The following LPIN1 variants were observed in gnomAD, a reference collection of about 807,000 sequenced individuals.
LPIN1 encodes the protein phosphatidate phosphatase LPIN1.
Under a neutral mutation model 107.5 loss-of-function variants are expected in LPIN1, and 71 were observed. The ratio of observed to expected loss-of-function variants is 0.66; its 90% CI spans 0.55 to 0.80. The LOEUF is 0.80. LPIN1 is among the 30% of genes least tolerant of loss of function. The pLI is 0.00. For synonymous variants in LPIN1, 445 were observed against 452.6 expected (o/e 0.98, Z 0.21); for missense variants, 1,043 against 1,160.6 (o/e 0.90, Z 1.47).
chr2:11,681,089 C>G (rs962068108), intron 1 of LPIN1, among the ~76,000 whole-genome samples: 1 of 152,226 alleles, frequency 6.6e-6, no homozygotes, highest in African/African-American at 2.4e-5. Context: ...TGCCAAGACA[C>G]TGAATCCCTC....
At chr2:11,758,119 C>T (rs530987821) in intron 1 of LPIN1, among the ~76,000 whole-genome samples, 3 of 152,190 alleles carry the variant, frequency 2.0e-5, no homozygotes, top group Non-Finnish European at 4.4e-5. Flanking sequence ...TTTTAAGGCT[C>T]AGTAATAGTC....
intron 1 of LPIN1, among the ~76,000 whole-genome samples, chr2:11,692,443 G>A (rs1050271290): frequency 1.3e-5 from 2 of 152,214 alleles, no homozygotes; most frequent in South Asian, 4.1e-4. Context: ...GAAACTCCTG[G>A]GAGCTTTGCA....
chr2:11,719,725 GC>G (rs576206766), upstream of LPIN1, among the ~76,000 whole-genome samples: 40 of 151,414 alleles, frequency 2.6e-4, no homozygotes, highest in African/African-American at 9.2e-4. Context: ...TTACGCAGGT[GC>G]CCCTTAACAG....
intron 12 of LPIN1, among the ~76,000 whole-genome samples, chr2:11,789,185 C>T (rs1180062344): frequency 1.3e-5 from 2 of 152,204 alleles, no homozygotes; most frequent in Admixed American, 6.5e-5. Context: ...AGGATGTTGC[C>T]GTCGGTCAGC....
At chr2:11,757,576 A>G (rs1668867935) in intron 1 of LPIN1, among the ~76,000 whole-genome samples, 1 of 152,208 alleles carries the variant, frequency 6.6e-6, no homozygotes, top group Non-Finnish European at 1.5e-5. Context: ...GCAGAGAAAG[A>G]AGAGCCTGGC....
chr2:11,739,197 G>A (rs934890329), intron 1 of LPIN1, among the ~76,000 whole-genome samples: 6 of 152,168 alleles, frequency 3.9e-5, no homozygotes, highest in African/African-American at 1.4e-4. Context: ...ATCAGCCTCC[G>A]GACAGGTCCA....
chr2:11,772,909 A>G (rs2148637108), intron 4 of LPIN1, among the ~76,000 whole-genome samples: 1 of 137,272 alleles, frequency 7.3e-6, no homozygotes. Flanking sequence ...CTGGCAACGA[A>G]TATTGCTTTT....
chr2:11,796,767 A>G (rs1676797737), intron 14 of LPIN1, among the ~76,000 whole-genome samples: 1 of 152,180 alleles, frequency 6.6e-6, no homozygotes, highest in South Asian at 2.1e-4. Context: ...TTGAGGATGG[A>G]GCCCAGGCCA....
At chr2:11,727,878 G>A (rs906834942) in intron 1 of LPIN1, among the ~76,000 whole-genome samples, 8 of 152,124 alleles carry the variant, frequency 5.3e-5, no homozygotes, top group African/African-American at 1.4e-4. Context: ...TCAACCAACC[G>A]CAGGTCGACA....
intron 1 of LPIN1, among the ~76,000 whole-genome samples, chr2:11,764,940 A>T (rs1274882891): frequency 1.3e-5 from 2 of 152,192 alleles, no homozygotes; most frequent in Non-Finnish European, 2.9e-5. Flanking sequence ...GAGATTAGAC[A>T]TCATGGGGTC....
At chr2:11,715,450 G>A (rs929768033) in intron 2 of LPIN1, among the ~76,000 whole-genome samples, 1 of 152,184 alleles carries the variant, frequency 6.6e-6, no homozygotes, top group Non-Finnish European at 1.5e-5. Context: ...CCATGGTAGG[G>A]GTGTTGGATC....
chr2:11,759,589 C>A (rs1669312767), intron 1 of LPIN1, among the ~76,000 whole-genome samples: 1 of 152,252 alleles, frequency 6.6e-6, no homozygotes, highest in Admixed American at 6.5e-5. Context: ...TCTTTCTACA[C>A]AGACACAGCA....
chr2:11,773,400 C>A (rs552616988), intron 4 of LPIN1, among the ~76,000 whole-genome samples: 8 of 152,182 alleles, frequency 5.3e-5, no homozygotes, highest in Non-Finnish European at 1.0e-4. Flanking sequence ...GAAACAAAAT[C>A]ATTTTACAAT....
At chr2:11,805,239 A>T in intron 17 of LPIN1, 83 bp downstream of exon 17, 1 of 1,112,108 alleles carries the variant, frequency 9.0e-7, no homozygotes, top group African/African-American at 1.5e-5. Context: ...TTCCTGTCCC[A>T]GCACGGGGTG....
intron 1 of LPIN1, among the ~76,000 whole-genome samples, chr2:11,747,248 T>C (rs1418092696): frequency 6.6e-6 from 1 of 152,204 alleles, no homozygotes; most frequent in Non-Finnish European, 1.5e-5. Flanking sequence ...ATTACAGCTC[T>C]CCCCTGCGAG....
At position 11,787,088 on chromosome 2, in the gene LPIN1, C is replaced by G. The variant is rs1674723338; in HGVS notation, c.1564C>G (p.Gln522Glu). Residue 522 changes from glutamine to glutamate, a missense_variant, in exon 11 of 21, where the codon CAA (glutamine) becomes GAA (glutamate). Transcript: ENST00000674199. ...TGCTGTCACAGATGCATTCCTGGAG[C>G]AAGCTGTGTCATATCAACAGTTTGT... is the stretch of plus-strand genomic sequence containing the variant. Reference protein sequence around the residue: ...REITKDAFLEQAVSYQQFVDN... With the variant: ...REITKDAFLEEAVSYQQFVDN... 1.2e-6 allele frequency: 2 copies of G among 1,613,580 alleles called. No individual in the cohort carries two copies. Among genetic ancestry groups the G allele is most frequent in the Non-Finnish European group, 1.7e-6 (2 of 1,179,470 alleles).
At chr2:11,691,084 G>GTTT (rs59865645) in intron 1 of LPIN1, among the ~76,000 whole-genome samples, 34,925 of 140,272 alleles carry the variant, frequency 0.25, 6,542 homozygotes, top group African/African-American at 0.53. Context: ...TCTTGTTGTG[G>GTTT]TTTTTTTTTT....
chr2:11,741,258 TG>T (rs1666334973), intron 1 of LPIN1: 1 of 899,508 alleles, frequency 1.1e-6, no homozygotes, highest in Admixed American at 2.5e-5. Flanking sequence ...GGTTAACCTC[TG>T]TAGAATGTGA....
chr2:11,755,402 G>C (rs1281927520), intron 1 of LPIN1, among the ~76,000 whole-genome samples: 1 of 152,162 alleles, frequency 6.6e-6, no homozygotes, highest in Non-Finnish European at 1.5e-5. Flanking sequence ...AAAGTTTCTT[G>C]CTTGAGATGG....
Sources: gnomAD v4.1 joint callset for allele counts (sites outside exome capture counted in the v4.1 genomes callset) on GRCh38, gnomAD v4.1.1 for gene constraint, MANE v1.5 for transcripts, NCBI Gene and HGNC (gene_info 2026-07-23, HGNC 2026-07-21) for gene names.